Variants in VPS11 observed in about 807,000 individuals in gnomAD.
The protein encoded by VPS11 is vacuolar protein sorting-associated protein 11 homolog.
Under a neutral mutation model 106.8 loss-of-function variants are expected in VPS11, and 51 were observed. That is an observed-to-expected ratio of 0.48 (90% CI 0.38 to 0.60). The LOEUF is 0.60. VPS11 is among the 20% of genes least tolerant of loss of function. The pLI is 0.00. For synonymous variants in VPS11, 453 were observed against 458.7 expected, an observed-to-expected ratio of 0.99 and a Z score of 0.16; for missense variants, 950 against 1,190.0, an observed-to-expected ratio of 0.80 and a Z score of 2.97.
chr11:119,080,119 C>T (rs1945794617), intron 14 of VPS11, among the ~76,000 whole-genome samples: 1 of 151,992 alleles, frequency 6.6e-6, no homozygotes, highest in African/African-American at 2.4e-5. Flanking sequence ...AGTGCAGTGG[C>T]GCGATCTCAG....
intron 1 of VPS11, 50 bp downstream of exon 1, chr11:119,068,060 C>A: frequency 1.3e-6 from 2 of 1,531,164 alleles, no homozygotes; most frequent in East Asian, 2.4e-5. Context: ...CCGAAGAGAT[C>A]GAGTTAGGAT....
At chr11:119,072,178 C>A (rs1430021791) in intron 5 of VPS11, 5 of 255,922 alleles carry the variant, frequency 2.0e-5, no homozygotes, top group Non-Finnish European at 3.9e-5. Context: ...GTTGGCCAGG[C>A]TGGTGTCAGA....
At chr11:119,074,612 C>T (rs1369401741) in intron 7 of VPS11, among the ~76,000 whole-genome samples, 1 of 152,154 alleles carries the variant, frequency 6.6e-6, no homozygotes. Context: ...ACCACGTTCT[C>T]TAGGCTGGTC....
chr11:119,074,436 C>T (rs981658904), intron 7 of VPS11, among the ~76,000 whole-genome samples: 12 of 151,842 alleles, frequency 7.9e-5, no homozygotes, highest in Admixed American at 2.0e-4. Context: ...GACAGATTCT[C>T]GCTCTTTCAC....
rs2133640559 is a variant in VPS11 at position 119,068,043 on chromosome 11, C to T, written c.187+33C>T. Reference sequence around the variant, plus strand: ...TCGTTTGGAGCTGTCTTTTCCCTCCCGGGATCCCGAAGAGATCGAGTTAGG... The same window carrying T: ...TCGTTTGGAGCTGTCTTTTCCCTCCTGGGATCCCGAAGAGATCGAGTTAGG... On this transcript the variant is annotated intron_variant, in intron 1 of 15. Transcript: ENST00000621676. 1,100 of 1,567,202 alleles carry T rather than the reference C, an allele frequency of 7.0e-4. 8 individuals carry two copies. In the African/African-American group the frequency reaches 0.012, roughly 18 times the overall value.
chr11:119,077,155 C>G lies in VPS11; in HGVS notation c.1425+72C>G, dbSNP rs1028975078. 18 of 1,539,058 alleles carry G rather than the reference C, an allele frequency of 1.2e-5. No homozygotes were observed. The Middle Eastern group carries it at 5.1e-4, about 43-fold the overall frequency. On this transcript the variant is annotated intron_variant, in intron 8 of 15. Coordinates refer to ENST00000621676, the MANE Select transcript of VPS11 (RefSeq NM_021729.6). ...TGAGGTGGCTCCACCGGGACTTGTT[C>G]GTTTCAGCAAGACATAGGGAGAGGA...
intron 4 of VPS11, among the ~76,000 whole-genome samples, chr11:119,071,224 C>T (rs571985677): frequency 3.3e-5 from 5 of 152,264 alleles, no homozygotes; most frequent in East Asian, 1.9e-4. Context: ...GCCACTGCAC[C>T]GGCCTATTTT....
rs371402912 is a variant in VPS11 at position 119,073,838 on chromosome 11, C to T, written c.1125C>T (p.Asn375=). 1.9e-6 allele frequency: 3 copies of T among 1,613,400 alleles called. No individual in the cohort carries two copies. The highest frequency in any genetic ancestry group is 1.1e-5 in the South Asian group (1 of 91,076). ...AGAACCTATTTGAGATGGCGATTAA[C>T]CTTGCCAAGAGCCAGCATCTGGACA... The part of the protein sequence containing the change: ...FKKNLFEMAI[N]LAKSQHLDSD... The change falls in exon 7 of 16, where the codon AAC becomes AAT. Residue 375 remains asparagine, a synonymous_variant. Transcript: ENST00000621676.
At chr11:119,069,125 A>G (rs1446049944) in intron 1 of VPS11, 71 bp from the exon 2 acceptor site, 2 of 1,586,068 alleles carry the variant, frequency 1.3e-6, no homozygotes, top group Non-Finnish European at 1.7e-6. Flanking sequence ...TATACATGTA[A>G]TTGTTATCTG....
intron 11 of VPS11, 41 bp downstream of exon 11, chr11:119,078,375 G>A: frequency 1.3e-6 from 2 of 1,597,978 alleles, no homozygotes; most frequent in East Asian, 4.5e-5. Context: ...GACAGTTCGT[G>A]CCGTCTCCAT....
intron 7 of VPS11, 99 bp downstream of exon 7, chr11:119,074,050 C>A: frequency 7.3e-7 from 1 of 1,364,260 alleles, no homozygotes; most frequent in Non-Finnish European, 9.8e-7. Flanking sequence ...TAGAATTCTA[C>A]CAGGAACTGT....
Position 119,081,635 on chromosome 11 carries a change from G to A in VPS11, c.*12G>A. Reference sequence around the variant, plus strand: ...GGAGGGGCACTTAAGCAGCCTGGAGGAAGATGTGGGCAACAGTGGAGGACC... The same window carrying A: ...GGAGGGGCACTTAAGCAGCCTGGAGAAAGATGTGGGCAACAGTGGAGGACC... On this transcript the variant is annotated 3_prime_UTR_variant, in exon 16 of 16. Transcript: ENST00000621676. The A allele has an allele frequency of 6.2e-7, 1 of 1,613,276 alleles. No homozygotes were observed.
intron 5 of VPS11, 152 bp downstream of exon 5, chr11:119,071,995 G>A (rs1945412080): frequency 1.9e-6 from 2 of 1,039,734 alleles, no homozygotes; most frequent in Non-Finnish European, 2.7e-6. Context: ...TTTTGAGATG[G>A]AGTCTCGCTC....
At position 119,078,649 on chromosome 11, in the gene VPS11, T is replaced by G; in HGVS notation, c.2008T>G (p.Cys670Gly). 1 of 1,613,722 alleles carries G rather than the reference T, an allele frequency of 6.2e-7. No individual in the cohort carries two copies. Among genetic ancestry groups the G allele is most frequent in the Non-Finnish European group, 8.5e-7 (1 of 1,179,688 alleles). ...CDVFDKALVL[C>G]QMHDFQDGVL... ...CGTCTTTGACAAGGCCCTGGTCCTGTGCCAGATGCACGACTTCCAGGATGG... is the reference window on the plus strand; with the variant it reads ...CGTCTTTGACAAGGCCCTGGTCCTGGGCCAGATGCACGACTTCCAGGATGG... Residue 670 changes from cysteine (C) to glycine (G), a missense_variant, in exon 12 of 16, where the codon TGC becomes GGC. Cys to Gly is a radical substitution (Grantham distance 159). Coordinates refer to ENST00000621676, the MANE Select transcript of VPS11 (RefSeq NM_021729.6).
In VPS11 at chr11:119,071,852, T is replaced by C; in HGVS notation, c.884+9T>C. 1 of 1,609,782 alleles carries C rather than the reference T, an allele frequency of 6.2e-7. No homozygotes were observed. The highest frequency in any genetic ancestry group is 8.5e-7 in the Non-Finnish European group (1 of 1,176,502). On this transcript the variant is annotated intron_variant, in intron 5 of 15. Coordinates refer to ENST00000621676, the MANE Select transcript of VPS11 (RefSeq NM_021729.6). ...CGGAAGGTTTCTCCCAAGTAAGGAC[T>C]CAGTGAGAAGGGACAGGGAGAGGGC...
chr11:119,073,364 G>C lies in VPS11; in HGVS notation c.1051G>C (p.Ala351Pro), dbSNP rs985111212. The C allele has an allele frequency of 6.2e-7, 1 of 1,613,520 alleles. No individual in the cohort carries two copies. Among genetic ancestry groups the C allele is most frequent in the Non-Finnish European group, 8.5e-7 (1 of 1,179,880 alleles). Residue 351 changes from alanine (A) to proline (P), a missense_variant, in exon 6 of 16, where the codon GCA becomes CCA. Around this residue, in one of 3 missense-constraint regions of VPS11, gnomAD observed 435 missense variants for 630.2 expected, o/e 0.69. Transcript: ENST00000621676. ...YVLTRDGRVHALQEKDTQTKL... is the reference protein window; with the variant it reads ...YVLTRDGRVHPLQEKDTQTKL... Reference sequence around the variant, plus strand: ...GCTGACGCGGGATGGGCGGGTCCACGCACTGCAGGAGAAGGACACACAGAC... The same window carrying C: ...GCTGACGCGGGATGGGCGGGTCCACCCACTGCAGGAGAAGGACACACAGAC...
At chr11:119,073,604 G>T in intron 6 of VPS11, 196 bp from the exon 7 acceptor site, 1 of 869,674 alleles carries the variant, frequency 1.1e-6, no homozygotes, top group South Asian at 1.8e-5. Flanking sequence ...CCACTCTAAG[G>T]GTTCACTTTG....
At chr11:119,075,542 TAA>T (rs1555202802) in intron 7 of VPS11, among the ~76,000 whole-genome samples, 15 of 111,604 alleles carry the variant, frequency 1.3e-4, no homozygotes, top group Non-Finnish European at 8.9e-5. Context: ...CTGTCTCCAC[TAA>T]AAAAAAAAAA....
chr11:119,073,087 G>A (rs1283390127), intron 5 of VPS11, 111 bp from the exon 6 acceptor site: 2 of 1,235,306 alleles, frequency 1.6e-6, no homozygotes, highest in African/African-American at 3.0e-5. Context: ...AGAGGGACCA[G>A]AGAGGTGATT....
Sources: allele counts gnomAD v4.1 joint callset (sites outside exome capture counted in the v4.1 genomes callset), GRCh38; gene constraint gnomAD v4.1.1; regional missense constraint gnomAD v4.1.1; transcripts MANE v1.5; gene names NCBI Gene and HGNC (gene_info 2026-07-23, HGNC 2026-07-21).